Variants in KIDINS220 observed in about 807,000 individuals in gnomAD.
The protein encoded by KIDINS220 is kinase D interacting substrate 220.
In KIDINS220, 63 loss-of-function variants were observed where a neutral mutation model predicts 157.6. That is an observed-to-expected ratio of 0.40 (90% CI 0.33 to 0.49). The LOEUF is 0.49. KIDINS220 is among the 20% of genes least tolerant of loss of function. The pLI, the probability that KIDINS220 is intolerant of heterozygous loss-of-function variation, is 0.66. For synonymous variants in KIDINS220, 732 were observed against 783.6 expected, an observed-to-expected ratio of 0.93 and a Z score of 1.10; for missense variants, 1,772 against 2,171.2, an observed-to-expected ratio of 0.82 and a Z score of 3.65.
intron 3 of KIDINS220, 127 bp downstream of exon 3, chr2:8,818,568 T>C (rs917920333): frequency 5.2e-6 from 3 of 581,044 alleles, no homozygotes; most frequent in African/African-American, 3.9e-5. Context: ...AAAACTGATA[T>C]AGCCCACTAG....
chr2:8,744,764 C>T (rs1572466345), intron 26 of KIDINS220, among the ~76,000 whole-genome samples: 1 of 152,012 alleles, frequency 6.6e-6, no homozygotes, highest in Admixed American at 6.5e-5. Context: ...CCACAGCTTT[C>T]AATTTGGCAT....
intron 26 of KIDINS220, among the ~76,000 whole-genome samples, chr2:8,741,320 C>T (rs1229404405): frequency 4.6e-5 from 7 of 152,208 alleles, no homozygotes; most frequent in African/African-American, 1.7e-4. Context: ...GTAATCCCAA[C>T]ACTTTGGGAG....
At chr2:8,813,829 C>G (rs984417203) in intron 4 of KIDINS220, among the ~76,000 whole-genome samples, 6 of 152,096 alleles carry the variant, frequency 3.9e-5, no homozygotes, top group African/African-American at 1.4e-4. Flanking sequence ...GAGGCTGAGG[C>G]AGGAGAACCA....
chr2:8,752,370 T>A (rs1408542336), intron 22 of KIDINS220, among the ~76,000 whole-genome samples: 2 of 151,884 alleles, frequency 1.3e-5, no homozygotes, highest in Non-Finnish European at 2.9e-5. Context: ...GTAGTATGGT[T>A]ACAAAAAAAG....
In KIDINS220 at chr2:8,806,309, A is replaced by T; in HGVS notation, c.565T>A (p.Leu189Ile). ...TCCACATCAGCTCCCATGGCCAATA[A>T]ATGTTTCACACATTCCAAATGACCC... ...RKGHLECVKH[L>I]LAMGADVDQE... The change falls in exon 7 of 30, where the codon TTA becomes ATA. Residue 189 changes from leucine (L) to isoleucine (I), a missense_variant. Leu to Ile is a conservative substitution (Grantham distance 5). This residue lies in a region of KIDINS220 where 254 missense variants were observed against 268.6 expected (regional missense o/e 0.95). Transcript: ENST00000256707. 6.2e-7 allele frequency: 1 copy of T among 1,611,160 alleles called. No homozygotes were observed. The highest frequency in any genetic ancestry group is 1.1e-5 in the South Asian group (1 of 90,452).
intron 17 of KIDINS220, among the ~76,000 whole-genome samples, chr2:8,784,027 C>T (rs1672059544): frequency 6.6e-6 from 1 of 151,896 alleles, no homozygotes; most frequent in Non-Finnish European, 1.5e-5. Context: ...GAAAATAGAG[C>T]TAGAGTAATC....
intron 4 of KIDINS220, among the ~76,000 whole-genome samples, chr2:8,814,543 A>G (rs940264592): frequency 6.6e-6 from 1 of 152,234 alleles, no homozygotes; most frequent in Non-Finnish European, 1.5e-5. Context: ...TCTTCCTTAC[A>G]GAAGAATTCT....
chr2:8,811,055 A>G (rs1003201023), intron 6 of KIDINS220, among the ~76,000 whole-genome samples: 2 of 152,264 alleles, frequency 1.3e-5, no homozygotes, highest in East Asian at 1.9e-4. Flanking sequence ...ATACACTGGC[A>G]TAACTACTGC....
At chr2:8,751,405 T>A in intron 23 of KIDINS220, 61 bp downstream of exon 23, 1 of 1,403,918 alleles carries the variant, frequency 7.1e-7, no homozygotes, top group East Asian at 2.3e-5. Context: ...ACAAATAAGT[T>A]AGAAACATGA....
chr2:8,783,341 A>G (rs1671961959), intron 17 of KIDINS220, among the ~76,000 whole-genome samples: 1 of 152,220 alleles, frequency 6.6e-6, no homozygotes, highest in Admixed American at 6.5e-5. Flanking sequence ...CTTCAACTTG[A>G]TAAAGAGTAT....
chr2:8,787,083 G>T (rs1672506016), intron 15 of KIDINS220, among the ~76,000 whole-genome samples: 1 of 150,566 alleles, frequency 6.6e-6, no homozygotes. Context: ...TCTTGACGAT[G>T]CTACTTTAAT....
At chr2:8,741,132 C>T (rs1440274912) in intron 26 of KIDINS220, among the ~76,000 whole-genome samples, 1 of 152,160 alleles carries the variant, frequency 6.6e-6, no homozygotes, top group African/African-American at 2.4e-5. Flanking sequence ...TTACAGTTTA[C>T]TACAAGACAT....
chr2:8,774,737 G>A (rs1670733962), intron 21 of KIDINS220, among the ~76,000 whole-genome samples: 1 of 152,172 alleles, frequency 6.6e-6, no homozygotes, highest in Non-Finnish European at 1.5e-5. Context: ...TCAGAAGGAG[G>A]AAGGGGATGC....
At chr2:8,768,756 A>G (rs897665411) in intron 22 of KIDINS220, among the ~76,000 whole-genome samples, 1 of 152,184 alleles carries the variant, frequency 6.6e-6, no homozygotes, top group African/African-American at 2.4e-5. Context: ...ACTCAACTAC[A>G]GTTAACTAGA....
At chr2:8,753,222 A>G (rs1377768948) in intron 22 of KIDINS220, among the ~76,000 whole-genome samples, 1 of 151,464 alleles carries the variant, frequency 6.6e-6, no homozygotes, top group East Asian at 1.9e-4. Flanking sequence ...AATACTACTC[A>G]GCCAAAAAAA....
chr2:8,751,924 C>T (rs1291599819), intron 22 of KIDINS220, among the ~76,000 whole-genome samples: 4 of 152,162 alleles, frequency 2.6e-5, no homozygotes, highest in Non-Finnish European at 4.4e-5. Flanking sequence ...AGGCTGGTCT[C>T]GAACTCCTGA....
intron 18 of KIDINS220, 34 bp downstream of exon 18, chr2:8,779,640 A>G (rs750600938): frequency 6.3e-7 from 1 of 1,594,944 alleles, no homozygotes; most frequent in Non-Finnish European, 8.6e-7. Flanking sequence ...GCCACAACAT[A>G]ACAATGGTGG....
Position 8,800,417 on chromosome 2 carries a change from T to C in KIDINS220, c.883A>G (p.Ile295Val), listed in dbSNP as rs376700633. The part of the protein sequence containing the change: ...VRALLQKYAD[I>V]DIRGQDNKTA... ...ACACATACCTGTCCTCTAATGTCTA[T>C]ATCAGCATATTTTTGGAGAAGCGCT... is the stretch of plus-strand genomic sequence containing the variant. The change falls in exon 9 of 30, where the codon ATA becomes GTA. Residue 295 changes from isoleucine (I) to valine (V), a missense_variant. Physicochemically the swap from Ile to Val is conservative, Grantham distance 29 (BLOSUM62 3). This residue lies in a region of KIDINS220 where 725 missense variants were observed against 1,017.1 expected (regional missense o/e 0.71). Transcript: ENST00000256707. 1.9e-6 allele frequency: 3 copies of C among 1,612,398 alleles called. No individual in the cohort carries two copies. Among genetic ancestry groups the C allele is most frequent in the Non-Finnish European group, 2.5e-6 (3 of 1,179,028 alleles).
chr2:8,796,476 A>G (rs1673939982), intron 11 of KIDINS220, among the ~76,000 whole-genome samples: 1 of 152,182 alleles, frequency 6.6e-6, no homozygotes, highest in Non-Finnish European at 1.5e-5. Context: ...GTTTATCTGC[A>G]GCAAGCTCTA....
Sources: allele counts gnomAD v4.1 joint callset (sites outside exome capture counted in the v4.1 genomes callset), GRCh38; gene constraint gnomAD v4.1.1; regional missense constraint gnomAD v4.1.1; transcripts MANE v1.5; gene names NCBI Gene and HGNC (gene_info 2026-07-23, HGNC 2026-07-21).